Variants in TTC28 observed in about 807,000 individuals in gnomAD.
The protein encoded by TTC28 is tetratricopeptide repeat protein 28.
In TTC28, 61 loss-of-function variants were observed where a neutral mutation model predicts 198.0. The ratio of observed to expected loss-of-function variants is 0.31; its 90% CI spans 0.25 to 0.38. The LOEUF is 0.38. Ranked by LOEUF, TTC28 falls within the 10% of genes least tolerant of loss-of-function variation. The probability of loss-of-function intolerance (pLI) is 1.00; values close to 1 mark genes in which losing one functional copy is unlikely to be tolerated. For synonymous variants in TTC28, 1,171 were observed against 1,297.8 expected (o/e 0.90, Z 2.10); for missense variants, 2,678 against 3,164.0 (o/e 0.85, Z 3.69).
At chr22:28,637,010 T>G (rs1360164765) in intron 1 of TTC28, among the ~76,000 whole-genome samples, 8 of 144,236 alleles carry the variant, frequency 5.5e-5, no homozygotes, top group Non-Finnish European at 7.5e-5. Context: ...TTCAGTTTTT[T>G]TTTTTTTTTT....
intron 15 of TTC28, chr22:28,001,050 C>T (rs781562576): frequency 1.3e-5 from 3 of 229,182 alleles, no homozygotes; most frequent in Admixed American, 4.7e-5. Context: ...GGTGACCAGC[C>T]CCCTCAGGTG....
intron 2 of TTC28, among the ~76,000 whole-genome samples, chr22:28,579,259 G>A (rs1038236784): frequency 6.7e-6 from 1 of 149,466 alleles, no homozygotes; most frequent in Admixed American, 6.7e-5. Flanking sequence ...CTATATGTAA[G>A]TATAGCTATA....
chr22:28,591,040 C>CATATATATATATATAT (rs377761638), intron 2 of TTC28, among the ~76,000 whole-genome samples: 1 of 30,756 alleles, frequency 3.3e-5, no homozygotes, highest in Non-Finnish European at 5.4e-5. Flanking sequence ...CACACACACA[C>CATATATATATATATAT]ATATATATAT....
intron 2 of TTC28, among the ~76,000 whole-genome samples, chr22:28,417,024 T>C (rs1028496079): frequency 8.5e-5 from 13 of 152,100 alleles, no homozygotes; most frequent in Non-Finnish European, 1.9e-4. Context: ...TAGACAGAGT[T>C]CAGAAACAGA....
chr22:28,486,171 T>A (rs756460603), intron 2 of TTC28, among the ~76,000 whole-genome samples: 6 of 152,150 alleles, frequency 3.9e-5, no homozygotes, highest in Non-Finnish European at 8.8e-5. Flanking sequence ...TTGTCTAAAG[T>A]ATACTAAAAT....
chr22:28,363,875 C>A (rs1036447357), intron 2 of TTC28, among the ~76,000 whole-genome samples: 5 of 152,138 alleles, frequency 3.3e-5, no homozygotes, highest in African/African-American at 9.7e-5. Flanking sequence ...TTACCCAATG[C>A]CTGTACCCCC....
At chr22:28,025,443 A>G (rs572188018) in intron 13 of TTC28, among the ~76,000 whole-genome samples, 9 of 152,338 alleles carry the variant, frequency 5.9e-5, no homozygotes, top group African/African-American at 1.9e-4. Flanking sequence ...TCTCCTCTGC[A>G]CTGTGTGCCT....
chr22:28,536,731 G>C (rs904836330), intron 2 of TTC28, among the ~76,000 whole-genome samples: 1 of 152,136 alleles, frequency 6.6e-6, no homozygotes, highest in Non-Finnish European at 1.5e-5. Context: ...TCAATTCTCT[G>C]ATCTATGACT....
rs542888867 is a variant in TTC28 at position 28,092,670 on chromosome 22, G to A, written c.3932+1410C>T. Among the ~76,000 whole-genome samples, 3 of 152,324 alleles carry A rather than the reference G, an allele frequency of 2.0e-5. 1 individual carries two copies. In the East Asian group the frequency reaches 5.8e-4, roughly 29 times the overall value. On this transcript the variant is annotated intron_variant, in intron 12 of 22. Transcript: ENST00000397906. Reference sequence around the variant, plus strand: ...GCCTAAATTTCTGTCTGCCGAAGCAGCTTTGTATACCTCTGGTCTAATGTC... The same window carrying A: ...GCCTAAATTTCTGTCTGCCGAAGCAACTTTGTATACCTCTGGTCTAATGTC...
At chr22:28,084,279 A>G (rs889097703) in intron 12 of TTC28, among the ~76,000 whole-genome samples, 8 of 152,180 alleles carry the variant, frequency 5.3e-5, no homozygotes, top group Admixed American at 2.6e-4. Context: ...GCGGACTGAT[A>G]CCTCACATGG....
intron 2 of TTC28, among the ~76,000 whole-genome samples, chr22:28,436,492 G>C (rs1441803943): frequency 6.6e-6 from 1 of 152,154 alleles, no homozygotes; most frequent in East Asian, 1.9e-4. Context: ...AGGAGGAGAA[G>C]GCTGAGTTAG....
chr22:28,161,909 G>GGGAGGGAGGGAA lies in TTC28; in HGVS notation c.1441+1171_1441+1182dup, dbSNP rs755059300. Among the ~76,000 whole-genome samples, 253 of 146,698 alleles carry GGGAGGGAGGGAA rather than the reference G, an allele frequency of 1.7e-3. 1 individual carries two copies. Among genetic ancestry groups the GGGAGGGAGGGAA allele is most frequent in the Middle Eastern group, 7.1e-3 (2 of 282 alleles). ...AGGGATGAAGGGAAGGAAGGAGGGA[G>GGGAGGGAGGGAA]GGAGGGAGGGAAGGAGGGAGGGAAG... On this transcript the variant is annotated intron_variant, in intron 6 of 22. Transcript: ENST00000397906.
chr22:28,643,462 T>C (rs1406171320), intron 1 of TTC28, among the ~76,000 whole-genome samples: 1 of 152,186 alleles, frequency 6.6e-6, no homozygotes, highest in Non-Finnish European at 1.5e-5. Context: ...GATCCTTCAA[T>C]AAATTCCCAG....
chr22:28,088,492 C>T (rs1369269017), intron 12 of TTC28, among the ~76,000 whole-genome samples: 1 of 151,638 alleles, frequency 6.6e-6, no homozygotes, highest in Non-Finnish European at 1.5e-5. Flanking sequence ...CCCTTCCTTA[C>T]ACCTTATACA....
Position 28,098,939 on chromosome 22 carries a change from A to T in TTC28, c.3523T>A (p.Leu1175Met). 1 of 1,551,730 alleles carries T rather than the reference A, an allele frequency of 6.4e-7. No homozygotes were observed. The highest frequency in any genetic ancestry group is 8.7e-7 in the Non-Finnish European group (1 of 1,146,986). ...FDLQTSSYQA[L>M]QRVLVSLGHH... ...CCTAGGCTGACGAGCACCCGCTGCA[A>T]GGCCTGGTAGGATGATGTCTGCAGG... Residue 1175 changes from leucine to methionine, a missense_variant, in exon 10 of 23, where the codon TTG becomes ATG. By Grantham distance (15) the Leu-to-Met change is conservative (BLOSUM62 2). This residue lies in a region of TTC28 where 727 missense variants were observed against 861.9 expected (regional missense o/e 0.84). Transcript: ENST00000397906.
chr22:28,590,596 AAAAC>A (rs2050410055), intron 2 of TTC28, among the ~76,000 whole-genome samples: 1 of 152,132 alleles, frequency 6.6e-6, no homozygotes, highest in South Asian at 2.1e-4. Flanking sequence ...TCTACAAAAC[AAAAC>A]AAACAAATGT....
At chr22:28,591,038 C>CAT (rs2034288888) in intron 2 of TTC28, among the ~76,000 whole-genome samples, 3 of 24,522 alleles carry the variant, frequency 1.2e-4, no homozygotes, top group African/African-American at 2.4e-4. Flanking sequence ...CACACACACA[C>CAT]ACATATATAT....
intron 12 of TTC28, among the ~76,000 whole-genome samples, chr22:28,078,821 G>T (rs1353162619): frequency 6.6e-6 from 1 of 152,154 alleles, no homozygotes; most frequent in African/African-American, 2.4e-5. Flanking sequence ...CGGAGCTTCT[G>T]AAAGGCTTTT....
chr22:28,243,694 C>T (rs1036037654), intron 5 of TTC28, among the ~76,000 whole-genome samples: 21 of 152,150 alleles, frequency 1.4e-4, no homozygotes, highest in Non-Finnish European at 2.5e-4. Flanking sequence ...GCTTTAGTGG[C>T]ATGTGGGGTG....
Sources: allele counts gnomAD v4.1 joint callset (sites outside exome capture counted in the v4.1 genomes callset), GRCh38; gene constraint gnomAD v4.1.1; regional missense constraint gnomAD v4.1.1; transcripts MANE v1.5; gene names NCBI Gene and HGNC (gene_info 2026-07-23, HGNC 2026-07-21).